The following ZNF782 variants were observed in gnomAD, a reference collection of about 807,000 sequenced individuals.
ZNF782 encodes the protein zinc finger protein 782.
ZNF782 carries 12 observed loss-of-function variants against 13.0 expected under a neutral mutation model. The observed-to-expected ratio is 0.92, with a 90% CI of 0.59 to 1.50. ZNF782 has a LOEUF of 1.50. Among genes scored for constraint, ZNF782 ranks in the 40% most tolerant of loss-of-function variants. ZNF782 has a pLI of 0.00. For missense variants in ZNF782, 770 were observed against 822.9 expected (o/e 0.94, Z 0.79); for synonymous variants, 284 against 283.0 (o/e 1.00, Z -0.04).
rs1411490574 is a variant in ZNF782 at position 96,819,306 on chromosome 9, T to G, written c.717A>C (p.Lys239Asn). ...ATTTATTGAAATTGTAAGATTTTCC[T>G]TTTGGGTGGGTACTGTTAGATGTAA... ...ALVTSNSTHP[K>N]GKSYNFNKFG... The change falls in exon 6 of 6, where the codon AAA (lysine) becomes AAC (asparagine). Residue 239 changes from lysine to asparagine, a missense_variant. Physicochemically the swap from Lys to Asn is moderately conservative, Grantham distance 94. Transcript: ENST00000481138. 2.5e-6 allele frequency: 4 copies of G among 1,612,374 alleles called. No individual in the cohort carries two copies. The African/African-American group carries it at 4.0e-5, about 16-fold the overall frequency.
upstream of ZNF782, among the ~76,000 whole-genome samples, chr9:96,858,470 G>A (rs765206578): frequency 2.0e-5 from 3 of 152,178 alleles, no homozygotes; most frequent in African/African-American, 4.8e-5. This position sits in a 1 kb window ranked among gnomAD's most constrained non-coding sequence, Gnocchi z 4.4. Context: ...GCACCAACTG[G>A]ACACAGAAAC....
chr9:96,912,899 T>C, the ZNF782 span, among the ~76,000 whole-genome samples: 1 of 151,738 alleles, frequency 6.6e-6, no homozygotes, highest in Admixed American at 6.6e-5. Flanking sequence ...CATGAAACAA[T>C]GTTGTCCAAC....
At chr9:96,886,208 G>GAAAAA in the ZNF782 span, among the ~76,000 whole-genome samples, 6 of 88,422 alleles carry the variant, frequency 6.8e-5, no homozygotes, top group Non-Finnish European at 8.2e-5. Flanking sequence ...TTTAAGTACA[G>GAAAAA]AAAAAAAAAA....
upstream of ZNF782, among the ~76,000 whole-genome samples, chr9:96,859,036 C>CATTTACACTAGTGCCCACCCAT (rs1564014358): frequency 6.0e-4 from 92 of 152,146 alleles, no homozygotes; most frequent in Middle Eastern, 3.4e-3. Flanking sequence ...TGCCCACCCA[C>CATTTACACTAGTGCCCACCCAT]GGAGGGAACA....
chr9:96,845,728 T>C (rs1851325004), intron 3 of ZNF782, among the ~76,000 whole-genome samples: 1 of 152,132 alleles, frequency 6.6e-6, no homozygotes, highest in South Asian at 2.1e-4. Context: ...CTAAGAATAA[T>C]TGATGTTTCT....
chr9:96,873,493 A>T (rs28511270), intron 1 of ZNF782, among the ~76,000 whole-genome samples: 4,298 of 152,340 alleles, frequency 0.028, 204 homozygotes, highest in African/African-American at 0.096. Flanking sequence ...TGAGTCCAGC[A>T]GTTCAACACC....
chr9:96,865,332 T>C (rs1395966842), intron 1 of ZNF782, among the ~76,000 whole-genome samples: 1 of 152,180 alleles, frequency 6.6e-6, no homozygotes, highest in East Asian at 1.9e-4. Context: ...GACAGGTCTT[T>C]CCTGTGTTGT....
chr9:96,846,309 A>T (rs891060674), intron 3 of ZNF782, among the ~76,000 whole-genome samples: 5 of 152,150 alleles, frequency 3.3e-5, no homozygotes, highest in African/African-American at 1.2e-4. Flanking sequence ...CTAGGTAGCA[A>T]TGTGATGAAG....
rs375834509 is a variant in ZNF782 at position 96,872,464 on chromosome 9, G to A, written c.-457+3004C>T. On this transcript the variant is annotated intron_variant, in intron 1 of 5. Coordinates refer to the ZNF782 transcript ENST00000498811. ...GAGAATTGCTTGAACCTGAGGGGCG[G>A]AGGTTGCAGTGAGCCAAGATCGCGC... Among the ~76,000 whole-genome samples, 64 of 151,892 alleles carry A rather than the reference G, an allele frequency of 4.2e-4. 1 individual carries two copies. In the South Asian group the frequency reaches 4.8e-3, roughly 11 times the overall value.
At chr9:96,868,372 G>C (rs965216206) in intron 1 of ZNF782, among the ~76,000 whole-genome samples, 5 of 152,266 alleles carry the variant, frequency 3.3e-5, no homozygotes, top group African/African-American at 1.2e-4. Flanking sequence ...ATAGGTCTTG[G>C]AGCAAATATC....
the ZNF782 span, among the ~76,000 whole-genome samples, chr9:96,882,580 T>G: frequency 1.3e-5 from 2 of 152,170 alleles, no homozygotes; most frequent in African/African-American, 2.4e-5. Flanking sequence ...GGTGATAGTA[T>G]TATACATTTT....
the ZNF782 span, among the ~76,000 whole-genome samples, chr9:96,882,716 TA>T: frequency 6.6e-6 from 1 of 152,228 alleles, no homozygotes; most frequent in Admixed American, 6.5e-5. Context: ...ATGATTGTTT[TA>T]ACTGCATGCT....
At chr9:96,913,663 C>G in the ZNF782 span, among the ~76,000 whole-genome samples, 5 of 151,580 alleles carry the variant, frequency 3.3e-5, no homozygotes, top group African/African-American at 1.2e-4. Context: ...AGCAGGATTA[C>G]AGGCATGGGC....
At chr9:96,922,901 C>T in the ZNF782 span, among the ~76,000 whole-genome samples, 4,050 of 139,434 alleles carry the variant, frequency 0.029, no homozygotes, top group Non-Finnish European at 0.045. Flanking sequence ...GGAACCGGTC[C>T]ACCATATTCT....
At position 96,844,940 on chromosome 9, in the gene ZNF782, G is replaced by A. The variant is rs368604131; in HGVS notation, c.92C>T (p.Thr31Ile). ...EWQHMGPVER[T>I]LYRDVMLENY... ...CTCCAGCATCACATCTCTGTACAGG[G>A]TCCTCTCAACAGGGCCCATGTGCTG... is the stretch of plus-strand genomic sequence containing the variant. The change falls in exon 4 of 6, where the codon ACC (threonine) becomes ATC (isoleucine). Residue 31 changes from threonine (T) to isoleucine (I), a missense_variant. Transcript: ENST00000481138. 4 of 1,613,826 alleles carry A rather than the reference G, an allele frequency of 2.5e-6. No individual in the cohort carries two copies. In the African/African-American group the frequency reaches 4.0e-5, roughly 16 times the overall value.
intron 5 of ZNF782, 56 bp downstream of exon 5, chr9:96,827,024 T>C: frequency 1.8e-6 from 2 of 1,139,146 alleles, no homozygotes; most frequent in South Asian, 1.4e-5. Flanking sequence ...CGCTGAGTTG[T>C]GTGAGTACTC....
At chr9:96,822,603 T>C (rs1163997503) in intron 5 of ZNF782, among the ~76,000 whole-genome samples, 5 of 152,246 alleles carry the variant, frequency 3.3e-5, no homozygotes, top group Non-Finnish European at 7.3e-5. Flanking sequence ...GAACCGCTTT[T>C]GGCTTTAAAA....
chr9:96,926,941 G>C, the ZNF782 span, among the ~76,000 whole-genome samples: 14 of 152,260 alleles, frequency 9.2e-5, no homozygotes, highest in South Asian at 2.9e-3. Flanking sequence ...GCCCAGCAGG[G>C]AGTGACATCT....
chr9:96,821,882 T>C (rs968367066), intron 5 of ZNF782, among the ~76,000 whole-genome samples: 3 of 152,160 alleles, frequency 2.0e-5, no homozygotes, highest in Non-Finnish European at 4.4e-5. Context: ...GCCAGGATGG[T>C]CTCGATCTTC....
Sources: gnomAD v4.1 joint callset for allele counts (sites outside exome capture counted in the v4.1 genomes callset) on GRCh38, gnomAD v4.1.1 for gene constraint, Gnocchi (gnomAD v3.1) non-coding constraint, MANE v1.5 for transcripts, NCBI Gene and HGNC (gene_info 2026-07-23, HGNC 2026-07-21) for gene names.